Variants in FAM184A observed in about 807,000 individuals in gnomAD.
FAM184A encodes family with sequence similarity 184 member A, also known as protein FAM184A.
In FAM184A, 99 loss-of-function variants were observed where a neutral mutation model predicts 143.8. That is an observed-to-expected ratio of 0.69 (90% CI 0.58 to 0.81). The LOEUF (loss-of-function observed/expected upper bound fraction) is 0.81, where lower values mean the gene tolerates loss of function less well. FAM184A is among the 40% of genes least tolerant of loss of function. The pLI, the probability that FAM184A is intolerant of heterozygous loss-of-function variation, is 0.00. For synonymous variants in FAM184A, 427 were observed against 446.4 expected, an observed-to-expected ratio of 0.96 and a Z score of 0.55; for missense variants, 1,217 against 1,310.5, an observed-to-expected ratio of 0.93 and a Z score of 1.10.
chr6:118,978,133 C>A (rs1202512509), intron 11 of FAM184A, among the ~76,000 whole-genome samples: 1 of 151,976 alleles, frequency 6.6e-6, no homozygotes, highest in African/African-American at 2.4e-5. Context: ...CTGGCTAATT[C>A]TGTATTTTTA....
intron 1 of FAM184A, among the ~76,000 whole-genome samples, chr6:119,064,526 T>C (rs1345343386): frequency 6.6e-6 from 1 of 151,988 alleles, no homozygotes; most frequent in Non-Finnish European, 1.5e-5. Flanking sequence ...CATAGTAAGA[T>C]CTCATCTCCA....
chr6:118,984,159 AT>A (rs201627724), intron 9 of FAM184A, among the ~76,000 whole-genome samples: 20,650 of 110,004 alleles, frequency 0.19, 1,872 homozygotes, highest in African/African-American at 0.22. Context: ...TAAAAAAAAA[AT>A]ATATATATAT....
Position 119,049,435 on chromosome 6 carries a change from C to T in FAM184A, c.160-24622G>A, listed in dbSNP as rs550549451. Among the ~76,000 whole-genome samples the T allele has an allele frequency of 3.0e-4, 45 of 152,168 alleles. No homozygotes were observed. The South Asian group carries it at 7.7e-3, about 26-fold the overall frequency. On this transcript the variant is annotated intron_variant, in intron 1 of 17. Transcript: ENST00000338891. ...TGCACCCCAGCCTGGGGGATAAGAG[C>T]GACACTTTGTCTCAAAAAATAAAAT...
intron 2 of FAM184A, 117 bp downstream of exon 2, chr6:119,023,842 A>G: frequency 1.7e-6 from 1 of 589,692 alleles, no homozygotes; most frequent in Non-Finnish European, 2.6e-6. Flanking sequence ...AAAAAAAAAA[A>G]GTCTAAGTGG....
Position 119,116,632 on chromosome 6 carries a change from C to T in FAM184A, c.-202+32446G>A, listed in dbSNP as rs574501919. The stretch of plus-strand genomic sequence containing the variant: ...GTGAATCAATAAAAACATTACAAGG[C>T]GATAAATGTCCACAGTGCTGTGCAA... On this transcript the variant is annotated intron_variant, in intron 1 of 16. Transcript: ENST00000352896. Among the ~76,000 whole-genome samples, 44 of 152,262 alleles carry T rather than the reference C, an allele frequency of 2.9e-4. 1 individual carries two copies. The highest frequency in any genetic ancestry group is 8.7e-4 in the African/African-American group (36 of 41,550).
chr6:119,128,629 A>T lies in FAM184A; in HGVS notation c.-202+20449T>A, dbSNP rs1789439261. Reference sequence around the variant, plus strand: ...GGAGGGAATAAAAGGGTGAGTGGGGAGGGAAGGAAGAAAAAGAAAATGTGT... The same window carrying T: ...GGAGGGAATAAAAGGGTGAGTGGGGTGGGAAGGAAGAAAAAGAAAATGTGT... On this transcript the variant is annotated intron_variant, in intron 1 of 16. Transcript: ENST00000352896. Among the ~76,000 whole-genome samples the T allele has an allele frequency of 2.6e-5, 4 of 152,070 alleles. No individual in the cohort carries two copies. In the South Asian group the frequency reaches 8.3e-4, roughly 32 times the overall value.
In FAM184A at chr6:119,111,264, A is replaced by C. The variant is rs1002400125; in HGVS notation, c.-202+37814T>G. Among the ~76,000 whole-genome samples the C allele has an allele frequency of 1.3e-4, 20 of 152,366 alleles. 1 individual carries two copies. In the East Asian group the frequency reaches 2.5e-3, roughly 19 times the overall value. On this transcript the variant is annotated intron_variant, in intron 1 of 16. Coordinates refer to the FAM184A transcript ENST00000352896. ...TTAACTGCAATAAGCCAATTACAAA[A>C]AGATAACTAATATATTATTTCACTT...
intron 1 of FAM184A, among the ~76,000 whole-genome samples, chr6:119,068,197 C>A (rs955802144): frequency 7.2e-5 from 11 of 151,970 alleles, no homozygotes; most frequent in African/African-American, 2.7e-4. Flanking sequence ...CAGGCATGCA[C>A]CACCACACTC....
chr6:119,034,882 G>A (rs1470781237), intron 1 of FAM184A, among the ~76,000 whole-genome samples: 1 of 152,044 alleles, frequency 6.6e-6, no homozygotes, highest in Non-Finnish European at 1.5e-5. Context: ...TCAGTATTAA[G>A]AGATAAGAAA....
chr6:119,089,736 G>T (rs377351019), intron 1 of FAM184A, among the ~76,000 whole-genome samples: 24 of 152,276 alleles, frequency 1.6e-4, no homozygotes, highest in African/African-American at 5.5e-4. Context: ...AAATAAGGTG[G>T]TTCTTGTTTC....
intron 7 of FAM184A, among the ~76,000 whole-genome samples, chr6:119,004,067 A>T (rs556212050): frequency 1.9e-4 from 29 of 152,358 alleles, no homozygotes; most frequent in African/African-American, 6.5e-4. Context: ...AAAAATAATT[A>T]TGCAGAATTT....
chr6:119,099,580 C>A (rs1352147685), intron 1 of FAM184A, among the ~76,000 whole-genome samples: 3 of 152,134 alleles, frequency 2.0e-5, no homozygotes, highest in African/African-American at 7.2e-5. Flanking sequence ...AGAATCTGGA[C>A]AGACAGGCCT....
chr6:118,975,979 G>T lies in FAM184A; in HGVS notation c.2521C>A (p.His841Asn), dbSNP rs1783832125. ...ATTTTAGCAGCTGCCAATTCTTGAT[G>T]ATGATTATGCCGTAACAAATCAATT... ...AAIDLLRHNH[H>N]QELAAAKMEL... Residue 841 changes from histidine (H) to asparagine (N), a missense_variant, in exon 12 of 18, where the codon CAT (histidine) becomes AAT (asparagine). His to Asn is a moderately conservative substitution (Grantham distance 68, BLOSUM62 1). Transcript: ENST00000338891. The T allele has an allele frequency of 3.1e-6, 5 of 1,613,404 alleles. No homozygotes were observed. Among genetic ancestry groups the T allele is most frequent in the Non-Finnish European group, 4.2e-6 (5 of 1,179,860 alleles).
chr6:118,968,248 T>C lies in FAM184A; in HGVS notation c.2916-1296A>G, dbSNP rs184761077. ...GGCACACAAAATACACTAACACTAA[T>C]GATAGCTGATGAGCTTAAAAAAAAA... is the stretch of plus-strand genomic sequence containing the variant. On this transcript the variant is annotated intron_variant, in intron 14 of 17. Coordinates refer to ENST00000338891, the MANE Select transcript of FAM184A (RefSeq NM_024581.6). 3.2e-4 allele frequency among the ~76,000 whole-genome samples: 48 copies of C among 152,178 alleles called. No individual in the cohort carries two copies. The East Asian group carries it at 5.6e-3, about 18-fold the overall frequency.
intron 1 of FAM184A, among the ~76,000 whole-genome samples, chr6:119,135,160 C>G (rs9489599): frequency 6.6e-6 from 1 of 152,010 alleles, no homozygotes; most frequent in South Asian, 2.1e-4. Context: ...TAATGCAAAA[C>G]GAATGAACTA....
rs539896616 is a variant in FAM184A at position 119,001,536 on chromosome 6, A to G, written c.2088+1363T>C. 2.0e-5 allele frequency among the ~76,000 whole-genome samples: 3 copies of G among 152,306 alleles called. No individual in the cohort carries two copies. In the South Asian group the frequency reaches 6.2e-4, roughly 32 times the overall value. On this transcript the variant is annotated intron_variant, in intron 9 of 17. Coordinates refer to ENST00000338891, the MANE Select transcript of FAM184A (RefSeq NM_024581.6). ...GCAAAGCATTAGGTCCTCTCAGGAA[A>G]GAACTGCAGAATAGACACCCAAAGA...
intron 14 of FAM184A, among the ~76,000 whole-genome samples, chr6:118,968,540 C>T (rs1224890277): frequency 1.3e-5 from 2 of 152,126 alleles, no homozygotes; most frequent in Non-Finnish European, 2.9e-5. Flanking sequence ...ATTTTATGGG[C>T]AAACATTAAG....
At chr6:118,994,910 G>A (rs370632286) in intron 9 of FAM184A, among the ~76,000 whole-genome samples, 4 of 152,070 alleles carry the variant, frequency 2.6e-5, no homozygotes, top group East Asian at 1.9e-4. Context: ...TGCTTTACAC[G>A]TACAAGATAT....
intron 1 of FAM184A, among the ~76,000 whole-genome samples, chr6:119,036,205 C>T (rs1418712): frequency 0.93 from 140,895 of 151,218 alleles, 65,759 homozygotes; most frequent in Non-Finnish European, 0.96. Flanking sequence ...TTTTTCCCCT[C>T]GGTCCAGTGT....
Sources: gnomAD v4.1 joint callset for allele counts (sites outside exome capture counted in the v4.1 genomes callset) on GRCh38, gnomAD v4.1.1 for gene constraint, MANE v1.5 for transcripts, NCBI Gene and HGNC (gene_info 2026-07-23, HGNC 2026-07-21) for gene names.